CD48: variants seen among roughly 807,000 people sequenced by gnomAD.
The protein encoded by CD48 is CD48 antigen.
Under a neutral mutation model 22.0 loss-of-function variants are expected in CD48, and 20 were observed. The observed-to-expected ratio is 0.91, with a 90% CI of 0.64 to 1.32. The LOEUF is 1.32. CD48 is among the 40% of genes most tolerant of loss of function. The probability of loss-of-function intolerance (pLI) is 0.00; values close to 1 mark genes in which losing one functional copy is unlikely to be tolerated. For missense variants in CD48, 307 were observed against 286.5 expected, an observed-to-expected ratio of 1.07 and a Z score of -0.52; for synonymous variants, 110 against 110.1, an observed-to-expected ratio of 1.00 and a Z score of 0.01.
intron 1 of CD48, among the ~76,000 whole-genome samples, chr1:160,711,478 T>A (rs946007921): frequency 1.3e-5 from 2 of 152,040 alleles, no homozygotes; most frequent in Admixed American, 6.5e-5. Flanking sequence ...TTTGATCACA[T>A]CCCCGTGGGA....
chr1:160,699,561 G>C (rs1030033669), intron 1 of CD48: 1 of 152,212 alleles, frequency 6.6e-6, no homozygotes, highest in Non-Finnish European at 1.5e-5. Context: ...CCCATCCCTG[G>C]GCAATGGAAT....
chr1:160,706,179 A>G (rs1662788825), intron 1 of CD48, among the ~76,000 whole-genome samples: 1 of 152,058 alleles, frequency 6.6e-6, no homozygotes, highest in Admixed American at 6.6e-5. Flanking sequence ...GGTTCAAGCA[A>G]TTCTCCTGCC....
intron 2 of CD48, chr1:160,683,531 T>TTC (rs1252034740): frequency 3.3e-5 from 5 of 151,938 alleles, no homozygotes; most frequent in Admixed American, 1.3e-4. Flanking sequence ...TTTTTTTTTT[T>TTC]TTTAAATCTT....
At chr1:160,697,772 G>T (rs74822814) in intron 1 of CD48, among the ~76,000 whole-genome samples, 25 of 146,450 alleles carry the variant, frequency 1.7e-4, no homozygotes, top group African/African-American at 6.0e-4. Context: ...CAATGAATTC[G>T]AAACTATTAT....
intron 1 of CD48, among the ~76,000 whole-genome samples, chr1:160,694,071 G>GTCTAAA (rs1169490848): frequency 7.9e-6 from 1 of 127,082 alleles, no homozygotes. Flanking sequence ...GGAAGATCAC[G>GTCTAAA]TCTAAATCTA....
At chr1:160,680,605 C>CGGTGGTCGCCGTATCATTAAAAA in intron 3 of CD48, 1 of 1,003,858 alleles carries the variant, frequency 1.0e-6, no homozygotes, top group Non-Finnish European at 1.2e-6. Flanking sequence ...GTGTGACACT[C>CGGTGGTCGCCGTATCATTAAAAA]ATGAGTGGAT....
chr1:160,704,621 C>A (rs773573076), intron 1 of CD48, among the ~76,000 whole-genome samples: 1 of 152,140 alleles, frequency 6.6e-6, no homozygotes. Context: ...TGTGGAAGCA[C>A]GAAGGCATTT....
chr1:160,708,077 A>G (rs902477111), intron 1 of CD48, among the ~76,000 whole-genome samples: 2 of 152,152 alleles, frequency 1.3e-5, no homozygotes, highest in Admixed American at 1.3e-4. Flanking sequence ...ACCTCACTTG[A>G]ATTTGGGGGT....
At position 160,684,892 on chromosome 1, in the gene CD48, A is replaced by G; in HGVS notation, c.380T>C (p.Val127Ala). ...NEQEWKIKLQ[V>A]LDPVPKPVIK... ...CTTTGGCTCCCCTGACTCACCAAGC[A>G]CTTGCAGCTTGATCTTCCATTCTTG... Residue 127 changes from valine to alanine, a missense_variant, in exon 2 of 4, where the codon GTG (valine) becomes GCG (alanine). Val to Ala is a moderately conservative substitution (Grantham distance 64). Coordinates refer to ENST00000368046, the MANE Select transcript of CD48 (RefSeq NM_001778.4). The G allele has an allele frequency of 6.2e-7, 1 of 1,614,020 alleles. No individual in the cohort carries two copies. Among genetic ancestry groups the G allele is most frequent in the South Asian group, 1.1e-5 (1 of 91,066 alleles).
At chr1:160,688,932 C>G (rs1370294955) in intron 1 of CD48, among the ~76,000 whole-genome samples, 2 of 152,102 alleles carry the variant, frequency 1.3e-5, no homozygotes, top group South Asian at 4.1e-4. Context: ...CCATATGAGT[C>G]ATTTTTTAAT....
chr1:160,680,708 G>A (rs1459435216), intron 3 of CD48: 17 of 1,018,560 alleles, frequency 1.7e-5, no homozygotes, highest in Non-Finnish European at 2.0e-5. Flanking sequence ...AGGCTCTCAC[G>A]CCTCCTCGAC....
At chr1:160,697,294 C>T (rs1433013953) in intron 1 of CD48, among the ~76,000 whole-genome samples, 1 of 152,310 alleles carries the variant, frequency 6.6e-6, no homozygotes, top group Admixed American at 6.5e-5. Context: ...ACAATGAACC[C>T]ATCAGAGATG....
chr1:160,684,537 A>G (rs1661919481), intron 2 of CD48: 1 of 560,120 alleles, frequency 1.8e-6, no homozygotes, highest in African/African-American at 1.9e-5. Flanking sequence ...TTTTTTCTTA[A>G]GTCCAATGAA....
intron 1 of CD48, among the ~76,000 whole-genome samples, chr1:160,703,754 G>A (rs1662706352): frequency 6.6e-6 from 1 of 152,190 alleles, no homozygotes; most frequent in South Asian, 2.1e-4. Flanking sequence ...AAGGTGATAA[G>A]TAGGTCACAT....
At chr1:160,700,730 TTAAA>T (rs1662603652) in intron 1 of CD48, among the ~76,000 whole-genome samples, 1 of 152,204 alleles carries the variant, frequency 6.6e-6, no homozygotes, top group Admixed American at 6.5e-5. Flanking sequence ...AAAGTAGGTC[TTAAA>T]TAATTAATGT....
At chr1:160,681,602 T>A in intron 2 of CD48, 134 bp from the exon 3 acceptor site, 1 of 1,145,188 alleles carries the variant, frequency 8.7e-7, no homozygotes, top group Non-Finnish European at 1.2e-6. Context: ...GAAGAAGTTC[T>A]ACAGAGGGAG....
chr1:160,696,251 C>T (rs1296517014), intron 1 of CD48, among the ~76,000 whole-genome samples: 19 of 151,714 alleles, frequency 1.3e-4, no homozygotes, highest in African/African-American at 4.6e-4. Flanking sequence ...TTTGATCAAC[C>T]TATCAATATT....
intron 1 of CD48, chr1:160,691,607 T>G (rs981305799): frequency 7.0e-5 from 13 of 186,528 alleles, no homozygotes; most frequent in Admixed American, 2.5e-4. Context: ...CAGAGGCTGG[T>G]GGGATCCTCC....
chr1:160,685,178 G>A lies in CD48; in HGVS notation c.94C>T (p.His32Tyr). The change falls in exon 2 of 4, where the codon CAT becomes TAT. Residue 32 changes from histidine (H) to tyrosine (Y), a missense_variant. His to Tyr is a moderately conservative substitution (Grantham distance 83). Coordinates refer to ENST00000368046, the MANE Select transcript of CD48 (RefSeq NM_001778.4). The stretch of plus-strand genomic sequence containing the variant: ...TTGCTGCCGGAGACCACGGTCATAT[G>A]TACCAAGTGACCTGCCAATGAGATT... ...LVTSIQGHLV[H>Y]MTVVSGSNVT... The A allele has an allele frequency of 1.2e-6, 2 of 1,606,186 alleles. No individual in the cohort carries two copies. Among genetic ancestry groups the A allele is most frequent in the Non-Finnish European group, 1.7e-6 (2 of 1,174,268 alleles).
Sources: allele counts gnomAD v4.1 joint callset (sites outside exome capture counted in the v4.1 genomes callset), GRCh38; gene constraint gnomAD v4.1.1; transcripts MANE v1.5; gene names NCBI Gene and HGNC (gene_info 2026-07-23, HGNC 2026-07-21).